Variants in VWA8 observed in about 807,000 individuals in gnomAD.
The protein encoded by VWA8 is von Willebrand factor A domain-containing protein 8.
VWA8 carries 221 observed loss-of-function variants against 241.5 expected under a neutral mutation model. The observed-to-expected ratio is 0.91, with a 90% CI of 0.82 to 1.02. The LOEUF is 1.02. Among genes scored for constraint, VWA8 ranks in the 50% least tolerant of loss-of-function variants. The pLI is 0.00. For missense variants in VWA8, 2,322 were observed against 2,328.7 expected (o/e 1.00, Z 0.06); for synonymous variants, 852 against 827.1 (o/e 1.03, Z -0.52).
intron 37 of VWA8, among the ~76,000 whole-genome samples, chr13:41,661,689 A>G (rs1006029321): frequency 7.9e-5 from 12 of 152,318 alleles, no homozygotes; most frequent in African/African-American, 2.4e-4. Context: ...CACAGTCTCT[A>G]TGTAATTACA....
At chr13:41,632,756 C>T (rs1317858386) in intron 37 of VWA8, among the ~76,000 whole-genome samples, 1 of 152,198 alleles carries the variant, frequency 6.6e-6, no homozygotes, top group Non-Finnish European at 1.5e-5. Context: ...TTCCTCAAGG[C>T]ACCTGGAGTT....
At chr13:41,876,589 TTGAC>T (rs901332568) in intron 9 of VWA8, among the ~76,000 whole-genome samples, 3 of 152,142 alleles carry the variant, frequency 2.0e-5, no homozygotes, top group Admixed American at 1.3e-4. Context: ...ATTTACTTAC[TTGAC>T]TGACAGTCGC....
intron 20 of VWA8, among the ~76,000 whole-genome samples, chr13:41,766,609 C>T (rs944988284): frequency 1.3e-5 from 2 of 152,210 alleles, no homozygotes; most frequent in African/African-American, 4.8e-5. Context: ...ACTACAATAG[C>T]TCATCCTTGC....
chr13:41,602,272 T>C (rs1302680732), intron 40 of VWA8, among the ~76,000 whole-genome samples: 4 of 152,098 alleles, frequency 2.6e-5, no homozygotes, highest in Admixed American at 6.6e-5. Flanking sequence ...AAATGTTTTA[T>C]GAGTATATGT....
intron 2 of VWA8, among the ~76,000 whole-genome samples, chr13:41,943,231 A>C (rs2138154860): frequency 6.6e-6 from 1 of 152,364 alleles, no homozygotes; most frequent in Non-Finnish European, 1.5e-5. Context: ...TAAAAAGAAA[A>C]GGAAAAAACA....
intron 4 of VWA8, among the ~76,000 whole-genome samples, chr13:41,902,799 A>G (rs1309966328): frequency 2.0e-5 from 3 of 152,176 alleles, no homozygotes; most frequent in Non-Finnish European, 2.9e-5. Flanking sequence ...ATTAGTGAAG[A>G]GCTTAATGGC....
chr13:41,678,788 G>T (rs546570365), intron 35 of VWA8, among the ~76,000 whole-genome samples: 1 of 152,228 alleles, frequency 6.6e-6, no homozygotes, highest in South Asian at 2.1e-4. Flanking sequence ...TAGAAAGCAA[G>T]AATTTTACTC....
rs537121373 is a variant in VWA8, at chr13:41,826,656, G to A, written c.1700+3873C>T. On this transcript the variant is annotated intron_variant, in intron 14 of 44. Transcript: ENST00000379310. ...AGGCCAAGGCAGGAGGATCCCTTGA[G>A]GCCAGCAGTTTAAGACATGCCTCAG... 3.8e-3 allele frequency among the ~76,000 whole-genome samples: 572 copies of A among 152,222 alleles called. 5 individuals carry two copies. Among genetic ancestry groups the A allele is most frequent in the South Asian group, 0.021 (102 of 4,818 alleles).
At chr13:41,935,570 C>T (rs1408994653) in intron 2 of VWA8, among the ~76,000 whole-genome samples, 1 of 151,862 alleles carries the variant, frequency 6.6e-6, no homozygotes, top group Non-Finnish European at 1.5e-5. Flanking sequence ...AAATGTAGTA[C>T]ATACTTACTA....
intron 26 of VWA8, among the ~76,000 whole-genome samples, chr13:41,704,957 T>C (rs2045273547): frequency 6.6e-6 from 1 of 152,218 alleles, no homozygotes; most frequent in African/African-American, 2.4e-5. Context: ...TTAGAAATTA[T>C]TTTATTTAAA....
intron 28 of VWA8, 136 bp downstream of exon 28, chr13:41,701,256 C>A: frequency 9.1e-7 from 1 of 1,103,646 alleles, no homozygotes; most frequent in Non-Finnish European, 1.2e-6. Context: ...TTCTAAATTA[C>A]ATATAATTGC....
At chr13:41,784,763 C>CTATATATATAT (rs1869107416) in intron 18 of VWA8, among the ~76,000 whole-genome samples, 1 of 50,558 alleles carries the variant, frequency 2.0e-5, no homozygotes, top group Non-Finnish European at 4.4e-5. Context: ...TATATATATA[C>CTATATATATAT]ACACACACAC....
intron 26 of VWA8, among the ~76,000 whole-genome samples, chr13:41,704,667 C>T (rs12872656): frequency 3.0e-3 from 456 of 152,078 alleles, no homozygotes; most frequent in Middle Eastern, 6.8e-3. Flanking sequence ...CAGGGTCTTG[C>T]TGTGTTGCCC....
intron 16 of VWA8, 81 bp from the exon 17 acceptor site, chr13:41,811,421 T>C: frequency 9.0e-7 from 1 of 1,108,414 alleles, no homozygotes. Context: ...ACAGCAGAAT[T>C]CATTATTACT....
chr13:41,861,617 A>G (rs1873009922), intron 12 of VWA8, among the ~76,000 whole-genome samples: 1 of 152,232 alleles, frequency 6.6e-6, no homozygotes, highest in South Asian at 2.1e-4. Flanking sequence ...TACAAAGTCA[A>G]GGTACAAAAA....
chr13:41,719,712 C>G lies in VWA8; in HGVS notation c.2995G>C (p.Val999Leu). 6.2e-7 allele frequency: 1 copy of G among 1,612,886 alleles called. No homozygotes were observed. Among genetic ancestry groups the G allele is most frequent in the East Asian group, 2.2e-5 (1 of 44,838 alleles). Reference protein sequence around the residue: ...KFPTEGLSSVVRNVFDFDSYN... With the variant: ...KFPTEGLSSVLRNVFDFDSYN... ...GAATCAAAGTCAAACACATTTCGAA[C>G]TACACTGGAGAGACCTTCAGTCGGA... Residue 999 changes from valine to leucine, a missense_variant, in exon 26 of 45, where the codon GTT becomes CTT. Transcript: ENST00000379310.
chr13:41,812,146 T>C (rs1870500679), intron 16 of VWA8, among the ~76,000 whole-genome samples: 3 of 152,084 alleles, frequency 2.0e-5, no homozygotes, highest in Non-Finnish European at 1.5e-5. Context: ...AAGGTTAAAT[T>C]AGAAAATGAT....
intron 37 of VWA8, among the ~76,000 whole-genome samples, chr13:41,624,789 C>T (rs1040208090): frequency 9.9e-5 from 15 of 152,158 alleles, no homozygotes; most frequent in African/African-American, 3.6e-4. Flanking sequence ...TCTCATTACT[C>T]CCATTCCACG....
intron 42 of VWA8, among the ~76,000 whole-genome samples, chr13:41,584,240 A>G (rs1025944530): frequency 6.6e-6 from 1 of 152,228 alleles, no homozygotes; most frequent in Non-Finnish European, 1.5e-5. Context: ...AACAAAAAAA[A>G]GGGAAAACAA....
Sources: gnomAD v4.1 joint callset for allele counts (sites outside exome capture counted in the v4.1 genomes callset) on GRCh38, gnomAD v4.1.1 for gene constraint, MANE v1.5 for transcripts, NCBI Gene and HGNC (gene_info 2026-07-23, HGNC 2026-07-21) for gene names.